The following NKAIN2 variants were observed in gnomAD, a reference collection of about 807,000 sequenced individuals.
The protein encoded by NKAIN2 is sodium/potassium transporting ATPase interacting 2.
In NKAIN2, 14 loss-of-function variants were observed where a neutral mutation model predicts 32.6. The ratio of observed to expected loss-of-function variants is 0.43; its 90% CI spans 0.28 to 0.67. NKAIN2 has a LOEUF of 0.67. Among genes scored for constraint, NKAIN2 ranks in the 30% least tolerant of loss-of-function variants. NKAIN2 has a pLI of 0.17. For synonymous variants in NKAIN2, 80 were observed against 87.2 expected, an observed-to-expected ratio of 0.92 and a Z score of 0.46; for missense variants, 198 against 258.3, an observed-to-expected ratio of 0.77 and a Z score of 1.60.
intron 3 of NKAIN2, among the ~76,000 whole-genome samples, chr6:124,485,420 T>C (rs1777612140): frequency 6.6e-6 from 1 of 152,056 alleles, no homozygotes; most frequent in South Asian, 2.1e-4. Flanking sequence ...TCCTACTACC[T>C]ATATTTCTCA....
At chr6:124,480,325 A>C (rs1777394668) in intron 3 of NKAIN2, among the ~76,000 whole-genome samples, 1 of 152,172 alleles carries the variant, frequency 6.6e-6, no homozygotes, top group Non-Finnish European at 1.5e-5. Flanking sequence ...AAAACTCTGA[A>C]GAAATCAACA....
chr6:124,157,597 T>C (rs1040444353), intron 1 of NKAIN2, among the ~76,000 whole-genome samples: 1 of 152,180 alleles, frequency 6.6e-6, no homozygotes, highest in African/African-American at 2.4e-5. Context: ...TGATTGCATA[T>C]GTTGTCAACT....
At chr6:124,213,819 T>C (rs1426419058) in intron 1 of NKAIN2, among the ~76,000 whole-genome samples, 1 of 152,160 alleles carries the variant, frequency 6.6e-6, no homozygotes, top group Non-Finnish European at 1.5e-5. Context: ...CAATCTGTGG[T>C]TGCATAGGAT....
chr6:124,592,529 G>A (rs201780479), intron 3 of NKAIN2, among the ~76,000 whole-genome samples: 2 of 152,226 alleles, frequency 1.3e-5, no homozygotes, highest in East Asian at 3.9e-4. Flanking sequence ...GCATAGAATG[G>A]GAAAGCTAAA....
intron 1 of NKAIN2, among the ~76,000 whole-genome samples, chr6:123,876,012 T>C (rs574379105): frequency 3.5e-4 from 54 of 152,250 alleles, no homozygotes; most frequent in African/African-American, 9.9e-4. Context: ...CACATTGTTA[T>C]AATTGTTTCA....
At chr6:124,750,306 A>G (rs2114708993) in intron 4 of NKAIN2, among the ~76,000 whole-genome samples, 1 of 152,074 alleles carries the variant, frequency 6.6e-6, no homozygotes, top group Non-Finnish European at 1.5e-5. Context: ...AGGTAGAGTA[A>G]GATTCTCAAC....
intron 2 of NKAIN2, among the ~76,000 whole-genome samples, chr6:124,325,653 C>T (rs78781214): frequency 0.011 from 1,626 of 152,134 alleles, 25 homozygotes; most frequent in African/African-American, 0.036. Flanking sequence ...GTATATTTTA[C>T]GGTTCCATCT....
intron 1 of NKAIN2, among the ~76,000 whole-genome samples, chr6:124,097,079 A>C (rs1204858111): frequency 6.6e-6 from 1 of 152,152 alleles, no homozygotes. Flanking sequence ...AAGCCTTCAA[A>C]ATCAAGGAAA....
At chr6:124,359,957 A>T (rs1057398205) in intron 3 of NKAIN2, among the ~76,000 whole-genome samples, 15 of 152,118 alleles carry the variant, frequency 9.9e-5, no homozygotes, top group African/African-American at 3.6e-4. Flanking sequence ...ATCAATACCT[A>T]ATTTATTGAG....
intron 3 of NKAIN2, among the ~76,000 whole-genome samples, chr6:124,632,385 C>CTGTT (rs776098888): frequency 3.3e-5 from 5 of 152,146 alleles, no homozygotes; most frequent in Admixed American, 2.0e-4. Context: ...AGCACCATTA[C>CTGTT]TGTTAGAGAA....
chr6:124,025,235 T>G (rs1223591924), intron 1 of NKAIN2, among the ~76,000 whole-genome samples: 1 of 152,174 alleles, frequency 6.6e-6, no homozygotes, highest in African/African-American at 2.4e-5. Flanking sequence ...GTTGCTAAAG[T>G]TAAGGCTTTG....
intron 4 of NKAIN2, among the ~76,000 whole-genome samples, chr6:124,723,190 T>G (rs949018861): frequency 6.6e-6 from 1 of 152,228 alleles, no homozygotes; most frequent in Non-Finnish European, 1.5e-5. Flanking sequence ...ACTTTGCATG[T>G]GAATACATAA....
In NKAIN2 at chr6:123,817,074, G is replaced by A. The variant is rs139876910; in HGVS notation, c.54+12820G>A. 6.6e-5 allele frequency among the ~76,000 whole-genome samples: 10 copies of A among 152,248 alleles called. No homozygotes were observed. In the East Asian group the frequency reaches 1.9e-3, roughly 29 times the overall value. On this transcript the variant is annotated intron_variant, in intron 1 of 6. Coordinates refer to ENST00000368417, the MANE Select transcript of NKAIN2 (RefSeq NM_001040214.3). The stretch of plus-strand genomic sequence containing the variant: ...TGGTGTAAGCAGATGAAAGGAGCTG[G>A]AACAGAATGATGTTTAGGGAAAGTC...
At chr6:123,931,703 A>G (rs1582799477) in intron 1 of NKAIN2, among the ~76,000 whole-genome samples, 2 of 152,178 alleles carry the variant, frequency 1.3e-5, no homozygotes, top group Non-Finnish European at 2.9e-5. Context: ...AGTCTATGAA[A>G]ATAATCTAAA....
Position 124,375,360 on chromosome 6 carries a change from A to T in NKAIN2, c.273+20013A>T, listed in dbSNP as rs1175624246. Among the ~76,000 whole-genome samples the T allele has an allele frequency of 9.4e-5, 14 of 148,874 alleles. No individual in the cohort carries two copies. The Admixed American group carries it at 9.4e-4, about 10-fold the overall frequency. ...CTCTTCCATATACGTATCAAGAACA[A>T]TGCCAGTAGGTACTCACTATATATA... is the stretch of plus-strand genomic sequence containing the variant. On this transcript the variant is annotated intron_variant, in intron 3 of 6. Transcript: ENST00000368417.
At chr6:124,624,961 CT>C (rs1325668461) in intron 3 of NKAIN2, among the ~76,000 whole-genome samples, 3 of 152,242 alleles carry the variant, frequency 2.0e-5, no homozygotes, top group African/African-American at 7.2e-5. Context: ...ACTTTCTAAT[CT>C]TCTAGCTTTA....
chr6:124,319,995 A>G (rs1797109180), intron 2 of NKAIN2, among the ~76,000 whole-genome samples: 2 of 152,130 alleles, frequency 1.3e-5, no homozygotes, highest in Non-Finnish European at 1.5e-5. Context: ...ACTTGATCTA[A>G]TATGTTACAC....
chr6:123,865,514 C>G (rs1250186788), intron 1 of NKAIN2, among the ~76,000 whole-genome samples: 1 of 151,782 alleles, frequency 6.6e-6, no homozygotes, highest in Non-Finnish European at 1.5e-5. Context: ...ATGATTGATT[C>G]AAAACAAGAA....
chr6:124,398,750 A>T (rs1401069233), intron 3 of NKAIN2, among the ~76,000 whole-genome samples: 1 of 152,228 alleles, frequency 6.6e-6, no homozygotes, highest in East Asian at 1.9e-4. Context: ...GACATAATCA[A>T]GCCTACTAGT....
Sources: allele counts gnomAD v4.1 joint callset (sites outside exome capture counted in the v4.1 genomes callset), GRCh38; gene constraint gnomAD v4.1.1; transcripts MANE v1.5; gene names NCBI Gene and HGNC (gene_info 2026-07-23, HGNC 2026-07-21).